The following WLS variants were observed in gnomAD, a reference collection of about 807,000 sequenced individuals.
The protein encoded by WLS is protein wntless homolog.
A neutral mutation model predicts 62.8 loss-of-function variants in WLS; 23 were observed. The ratio of observed to expected loss-of-function variants is 0.37; its 90% CI spans 0.26 to 0.52. The LOEUF (loss-of-function observed/expected upper bound fraction) is 0.52. Ranked by LOEUF, WLS falls within the 20% of genes least tolerant of loss-of-function variation. The probability of loss-of-function intolerance (pLI) is 0.92; values close to 1 mark genes in which losing one functional copy is unlikely to be tolerated. For synonymous variants in WLS, 246 were observed against 244.1 expected (o/e 1.01, Z -0.07); for missense variants, 615 against 697.3 (o/e 0.88, Z 1.33).
Position 68,150,287 on chromosome 1 carries a change from A to T in WLS, c.873T>A (p.Phe291Leu). 1 of 1,614,242 alleles carries T rather than the reference A, an allele frequency of 6.2e-7. No homozygotes were observed. Among genetic ancestry groups the T allele is most frequent in the Non-Finnish European group, 8.5e-7 (1 of 1,180,052 alleles). The change falls in exon 6 of 12, where the codon TTT becomes TTA. Residue 291 changes from phenylalanine to leucine, a missense_variant. Phe to Leu is a conservative substitution (Grantham distance 22). Transcript: ENST00000262348. ...CAAACAGCAGCATCCAGGTCCAGTC[A>T]AACCCGATGGAAAACCATTCCACTG... Reference protein sequence around the residue: ...NIPVEWFSIGFDWTWMLLFGD... With the variant: ...NIPVEWFSIGLDWTWMLLFGD...
intron 2 of WLS, among the ~76,000 whole-genome samples, chr1:68,175,226 AT>A (rs1364817004): frequency 6.6e-6 from 1 of 152,202 alleles, no homozygotes; most frequent in Non-Finnish European, 1.5e-5. Context: ...AAGAGCTCAC[AT>A]TTTTTACTGC....
chr1:68,210,322 T>G (rs1397888627), intron 1 of WLS, among the ~76,000 whole-genome samples: 2 of 152,102 alleles, frequency 1.3e-5, no homozygotes, highest in Non-Finnish European at 2.9e-5. Context: ...GAAGAGAAAG[T>G]CAAAGGAGAG....
chr1:68,147,184 T>C (rs1312707470), intron 8 of WLS, among the ~76,000 whole-genome samples: 1 of 152,242 alleles, frequency 6.6e-6, no homozygotes, highest in Non-Finnish European at 1.5e-5. Context: ...GGAATATAGT[T>C]ATTTTCTGCA....
downstream of WLS, among the ~76,000 whole-genome samples, chr1:68,120,646 G>A (rs986994668): frequency 3.9e-5 from 6 of 152,126 alleles, no homozygotes; most frequent in Non-Finnish European, 8.8e-5. Context: ...GGAGTGATAT[G>A]TAACTTACAA....
At chr1:68,105,375 T>C (rs1346121481) in intron 11 of WLS, among the ~76,000 whole-genome samples, 1 of 152,218 alleles carries the variant, frequency 6.6e-6, no homozygotes, top group African/African-American at 2.4e-5. Context: ...TTTATAAAAA[T>C]AGACACAATT....
At chr1:68,225,683 C>T (rs1382928311) in intron 1 of WLS, among the ~76,000 whole-genome samples, 1 of 152,142 alleles carries the variant, frequency 6.6e-6, no homozygotes, top group Non-Finnish European at 1.5e-5. Flanking sequence ...GGTGTGCATA[C>T]AAACAAAACT....
intron 2 of WLS, among the ~76,000 whole-genome samples, chr1:68,164,127 A>G (rs534110981): frequency 9.2e-5 from 14 of 152,370 alleles, no homozygotes; most frequent in Non-Finnish European, 1.5e-4. Flanking sequence ...TCAGTTAAAC[A>G]TAGTGAATTA....
At chr1:68,169,307 A>G (rs548519460) in intron 2 of WLS, among the ~76,000 whole-genome samples, 38 of 152,210 alleles carry the variant, frequency 2.5e-4, no homozygotes, top group Non-Finnish European at 5.0e-4. Context: ...AGCCAAGGCT[A>G]CTAGTACTTA....
chr1:68,105,630 C>G (rs1646133365), intron 11 of WLS, among the ~76,000 whole-genome samples: 1 of 152,192 alleles, frequency 6.6e-6, no homozygotes, highest in Non-Finnish European at 1.5e-5. Context: ...TCTCTGAACT[C>G]TGCTCAAGGT....
At chr1:68,135,173 A>C (rs1201948325) in intron 11 of WLS, among the ~76,000 whole-genome samples, 1 of 151,758 alleles carries the variant, frequency 6.6e-6, no homozygotes, top group Non-Finnish European at 1.5e-5. Context: ...GGCCTCCTCT[A>C]TCTATCACCC....
chr1:68,126,112 A>G lies in WLS; in HGVS notation c.*114T>C. On this transcript the variant is annotated 3_prime_UTR_variant, in exon 12 of 12. Coordinates refer to ENST00000262348, the MANE Select transcript of WLS (RefSeq NM_024911.7). Reference sequence around the variant, plus strand: ...CCATGCCGCTGGTCCAAGAAACCACAGCTAAGAGCCATGAGGCATTCATTT... The same window carrying G: ...CCATGCCGCTGGTCCAAGAAACCACGGCTAAGAGCCATGAGGCATTCATTT... 1 of 1,476,568 alleles carries G rather than the reference A, an allele frequency of 6.8e-7. No homozygotes were observed. Among genetic ancestry groups the G allele is most frequent in the Non-Finnish European group, 9.0e-7 (1 of 1,111,204 alleles). The allele number at this position is 1,476,568 out of a possible 1,614,324, so 91.5% of individuals were successfully genotyped here.
chr1:68,228,103 A>G lies in WLS; in HGVS notation c.106+4091T>C, dbSNP rs1650242652. 3 of 327,418 alleles carry G rather than the reference A, an allele frequency of 9.2e-6. No individual in the cohort carries two copies. In the Admixed American group the frequency reaches 1.4e-4, roughly 15 times the overall value. The allele number at this position is 327,418 out of a possible 1,614,324, so 20.3% of individuals were successfully genotyped here. On this transcript the variant is annotated intron_variant, in intron 1 of 11. Coordinates refer to ENST00000262348, the MANE Select transcript of WLS (RefSeq NM_024911.7). ...TATGTGTGTATGTTATATCTTATACAGTATACATTACATCCTCAACATTAA... is the reference window on the plus strand; with the variant it reads ...TATGTGTGTATGTTATATCTTATACGGTATACATTACATCCTCAACATTAA...
At position 68,159,238 on chromosome 1, in the gene WLS, G is replaced by A. The variant is rs750775053; in HGVS notation, c.389C>T (p.Ala130Val). 5 of 1,612,728 alleles carry A rather than the reference G, an allele frequency of 3.1e-6. No homozygotes were observed. The Admixed American group carries it at 8.4e-5, about 27-fold the overall frequency. The change falls in exon 3 of 12, where the codon GCA becomes GTA. Residue 130 changes from alanine (A) to valine (V), a missense_variant. Transcript: ENST00000262348. ...CAGGGAAACGTCCATGGAGACTTCT[G>A]CATTTTCTCCTGCAAGAGAAAGGAT... ...FKLNNQIREN[A>V]EVSMDVSLAY...
downstream of WLS, chr1:68,125,335 G>A: frequency 2.0e-6 from 2 of 985,352 alleles, no homozygotes; most frequent in Non-Finnish European, 2.4e-6. Flanking sequence ...GGTTCAACCT[G>A]GAAAATAATC....
chr1:68,136,094 G>T (rs190912546), intron 11 of WLS, among the ~76,000 whole-genome samples: 2 of 152,212 alleles, frequency 1.3e-5, no homozygotes, highest in African/African-American at 4.8e-5. Flanking sequence ...CTCTCGCATG[G>T]ACATGGCAAA....
intron 10 of WLS, among the ~76,000 whole-genome samples, chr1:68,139,627 G>A (rs1646659225): frequency 1.3e-5 from 2 of 152,174 alleles, no homozygotes; most frequent in Non-Finnish European, 2.9e-5. Context: ...CTATTCCTGC[G>A]ACAGAAGCTG....
intron 11 of WLS, among the ~76,000 whole-genome samples, chr1:68,109,399 C>T (rs919533141): frequency 6.6e-6 from 1 of 152,144 alleles, no homozygotes; most frequent in Admixed American, 6.5e-5. Flanking sequence ...AGAAAGCAAA[C>T]CACTATAAGC....
intron 11 of WLS, among the ~76,000 whole-genome samples, chr1:68,134,252 G>T (rs1483030413): frequency 6.6e-6 from 1 of 152,136 alleles, no homozygotes; most frequent in Admixed American, 6.5e-5. Flanking sequence ...CGTGTGATCT[G>T]GTGGCAGATG....
intron 1 of WLS, among the ~76,000 whole-genome samples, chr1:68,221,713 G>A (rs1223962414): frequency 6.6e-6 from 1 of 152,192 alleles, no homozygotes; most frequent in Non-Finnish European, 1.5e-5. Flanking sequence ...AGGCAAGCTT[G>A]TTAAACAGAG....
Sources: gnomAD v4.1 joint callset for allele counts (sites outside exome capture counted in the v4.1 genomes callset) on GRCh38, gnomAD v4.1.1 for gene constraint, MANE v1.5 for transcripts, NCBI Gene and HGNC (gene_info 2026-07-23, HGNC 2026-07-21) for gene names.